The following RNF150 variants were observed in gnomAD, a reference collection of about 807,000 sequenced individuals.
RNF150 encodes ring finger protein 150.
RNF150 carries 24 observed loss-of-function variants against 39.3 expected under a neutral mutation model. The ratio of observed to expected loss-of-function variants is 0.61; its 90% confidence interval spans 0.44 to 0.86. The LOEUF (loss-of-function observed/expected upper bound fraction) is 0.86. Among genes scored for constraint, RNF150 ranks in the 40% least tolerant of loss-of-function variants. The probability of loss-of-function intolerance (pLI) is 0.00; values close to 1 mark genes in which losing one functional copy is unlikely to be tolerated. For synonymous variants in RNF150, 255 were observed against 227.3 expected (o/e 1.12, Z -1.10); for missense variants, 502 against 587.8 (o/e 0.85, Z 1.51).
At chr4:141,025,008 G>T (rs914979215) in intron 1 of RNF150, among the ~76,000 whole-genome samples, 1 of 152,136 alleles carries the variant, frequency 6.6e-6, no homozygotes, top group African/African-American at 2.4e-5. Context: ...TAGTTGTATT[G>T]TGTGAATCAA....
intron 5 of RNF150, among the ~76,000 whole-genome samples, chr4:140,922,397 G>A (rs947133421): frequency 3.4e-5 from 5 of 149,014 alleles, no homozygotes; most frequent in African/African-American, 1.2e-4. Context: ...AAATACCTAG[G>A]AATCCAACTT....
At chr4:140,897,328 G>A (rs1560953557) in intron 6 of RNF150, among the ~76,000 whole-genome samples, 1 of 152,176 alleles carries the variant, frequency 6.6e-6, no homozygotes, top group Non-Finnish European at 1.5e-5. Context: ...GCACTCTGGG[G>A]TTGCTGGGCA....
chr4:141,135,111 G>A (rs1727008734), upstream of RNF150, among the ~76,000 whole-genome samples: 1 of 152,220 alleles, frequency 6.6e-6, no homozygotes, highest in East Asian at 1.9e-4. Context: ...TAGGAGCGAG[G>A]TTTCTTACTG....
chr4:141,092,702 A>AT (rs1738632631), intron 1 of RNF150, among the ~76,000 whole-genome samples: 1 of 151,986 alleles, frequency 6.6e-6, no homozygotes, highest in South Asian at 2.1e-4. Context: ...TCCAAATCCC[A>AT]TCTTCTTTCC....
chr4:140,924,644 A>T (rs968300857), intron 5 of RNF150, among the ~76,000 whole-genome samples: 1 of 152,156 alleles, frequency 6.6e-6, no homozygotes, highest in Non-Finnish European at 1.5e-5. Flanking sequence ...AACAGTACAA[A>T]AACTGAGCTC....
In RNF150 at chr4:140,949,427, T is replaced by G. The variant is rs1452198231; in HGVS notation, c.736-55A>C. The G allele has an allele frequency of 5.5e-6, 8 of 1,447,000 alleles. No homozygotes were observed. The East Asian group carries it at 1.4e-4, about 25-fold the overall frequency. 89.6% of individuals were successfully genotyped at this position (1,447,000 alleles called of 1,614,324 possible). A position where few individuals can be genotyped will look rare whatever the true frequency, so the allele number is the denominator to read the frequency against. ...TAAAGATCTGTAATTCTTGACTTCA[T>G]TTCTGATATCATTTAATACACCAGG... On this transcript the variant is annotated intron_variant, in intron 2 of 6. Transcript: ENST00000515673.
At chr4:141,140,677 G>GTGCAAGTC (rs1727104162) in intron 1 of RNF150, among the ~76,000 whole-genome samples, 1 of 152,174 alleles carries the variant, frequency 6.6e-6, no homozygotes, top group African/African-American at 2.4e-5. Flanking sequence ...AAGACATTCA[G>GTGCAAGTC]AGCACTGTGC....
chr4:141,069,881 G>C (rs539573473), intron 1 of RNF150, among the ~76,000 whole-genome samples: 1 of 152,182 alleles, frequency 6.6e-6, no homozygotes, highest in Non-Finnish European at 1.5e-5. Context: ...ATGGTAGTTT[G>C]TATTTGTGGG....
At chr4:141,026,537 A>AGCAT (rs1735704042) in intron 1 of RNF150, among the ~76,000 whole-genome samples, 1 of 152,162 alleles carries the variant, frequency 6.6e-6, no homozygotes, top group Admixed American at 6.5e-5. Context: ...GGGTGTGCAA[A>AGCAT]GCATTTCTTC....
chr4:141,066,807 T>C (rs1243946597), intron 1 of RNF150, among the ~76,000 whole-genome samples: 1 of 152,208 alleles, frequency 6.6e-6, no homozygotes, highest in Non-Finnish European at 1.5e-5. Flanking sequence ...TCAGATTAAT[T>C]ACAGTCATGC....
intron 1 of RNF150, among the ~76,000 whole-genome samples, chr4:141,016,775 C>A (rs1735293460): frequency 6.6e-6 from 1 of 151,776 alleles, no homozygotes; most frequent in African/African-American, 2.4e-5. Flanking sequence ...GCCGCCTTGG[C>A]TCTCCTCTCC....
At chr4:140,974,092 A>G (rs1733569608) in intron 1 of RNF150, among the ~76,000 whole-genome samples, 1 of 152,118 alleles carries the variant, frequency 6.6e-6, no homozygotes, top group Non-Finnish European at 1.5e-5. Flanking sequence ...GTTTAATTCT[A>G]TGAAATTTTA....
At chr4:140,894,325 G>A (rs187652817) in intron 6 of RNF150, among the ~76,000 whole-genome samples, 49 of 152,270 alleles carry the variant, frequency 3.2e-4, no homozygotes, top group Non-Finnish European at 6.0e-4. Flanking sequence ...CTTCTGATGA[G>A]GTCTTCTAGG....
chr4:141,097,404 T>A (rs78401789), intron 1 of RNF150, among the ~76,000 whole-genome samples: 19,865 of 152,236 alleles, frequency 0.13, 1,427 homozygotes, highest in South Asian at 0.24. Flanking sequence ...TAATCAGTGG[T>A]TAAAGTCTGT....
intron 6 of RNF150, among the ~76,000 whole-genome samples, chr4:140,878,169 T>G (rs1729235274): frequency 1.4e-5 from 2 of 140,620 alleles, no homozygotes; most frequent in South Asian, 4.3e-4. Flanking sequence ...ATTGTGTTTT[T>G]TTTTTTTTTT....
At chr4:141,126,131 A>C (rs569858220) in intron 1 of RNF150, among the ~76,000 whole-genome samples, 14 of 151,956 alleles carry the variant, frequency 9.2e-5, no homozygotes, top group African/African-American at 2.9e-4. Context: ...CTAAGTGAGA[A>C]GGTGAGATTA....
At chr4:141,044,783 GCACA>G (rs1553940772) in intron 1 of RNF150, among the ~76,000 whole-genome samples, 47 of 148,890 alleles carry the variant, frequency 3.2e-4, no homozygotes, top group African/African-American at 1.1e-3. Context: ...ACACACACAC[GCACA>G]CACACACACA....
intron 6 of RNF150, among the ~76,000 whole-genome samples, chr4:140,880,547 CT>C (rs879657754): frequency 1.5e-3 from 202 of 136,596 alleles, no homozygotes; most frequent in Non-Finnish European, 1.5e-3. Context: ...CCTCTCCAGT[CT>C]TTTTTTTTTT....
chr4:140,872,145 G>A (rs1426357299), intron 6 of RNF150, among the ~76,000 whole-genome samples: 1 of 152,198 alleles, frequency 6.6e-6, no homozygotes, highest in African/African-American at 2.4e-5. Context: ...TTACTTTGAG[G>A]CTACAATAAT....
Sources: allele counts gnomAD v4.1 joint callset (sites outside exome capture counted in the v4.1 genomes callset), GRCh38; gene constraint gnomAD v4.1.1; transcripts MANE v1.5; gene names NCBI Gene and HGNC (gene_info 2026-07-23, HGNC 2026-07-21).